ATM: variants seen among roughly 807,000 people sequenced by gnomAD.
The protein encoded by ATM is ATM serine/threonine kinase.
ATM carries 308 observed loss-of-function variants against 387.0 expected under a neutral mutation model. The ratio of observed to expected loss-of-function variants is 0.80; its 90% CI spans 0.73 to 0.87. The LOEUF is 0.87. Ranked by LOEUF, ATM falls within the 40% of genes least tolerant of loss-of-function variation. ATM has a pLI of 0.00. For missense variants in ATM, 3,312 were observed against 3,560.9 expected, an observed-to-expected ratio of 0.93 and a Z score of 1.78; for synonymous variants, 1,156 against 1,187.3, an observed-to-expected ratio of 0.97 and a Z score of 0.54.
chr11:108,296,893 A>C lies in ATM; in HGVS notation c.4910-394A>C, dbSNP rs2083153203. 1.5e-5 allele frequency: 4 copies of C among 266,322 alleles called. No homozygotes were observed. In the Admixed American group the frequency reaches 2.0e-4, roughly 14 times the overall value. The allele number at this position is 266,322 out of a possible 1,614,324, so 16.5% of individuals were successfully genotyped here. A position where few individuals can be genotyped will look rare whatever the true frequency, so the allele number is the denominator to read the frequency against. ...AGTGTAGATTATAGACATTTCCATCATTGCAGAAAGTTCTGTGGGACAGTG... is the reference window on the plus strand; with the variant it reads ...AGTGTAGATTATAGACATTTCCATCCTTGCAGAAAGTTCTGTGGGACAGTG... On this transcript the variant is annotated intron_variant, in intron 32 of 62. Coordinates refer to ENST00000675843, the MANE Select transcript of ATM (RefSeq NM_000051.4).
At chr11:108,287,813 C>G (rs2082573997) in intron 27 of ATM, 98 bp downstream of exon 27, 1 of 855,802 alleles carries the variant, frequency 1.2e-6, no homozygotes, top group African/African-American at 1.7e-5. Flanking sequence ...AATTTATAGA[C>G]ATCACTCTTT....
At chr11:108,356,558 A>G (rs1160066569) in intron 61 of ATM, among the ~76,000 whole-genome samples, 3 of 151,796 alleles carry the variant, frequency 2.0e-5, no homozygotes, top group Non-Finnish European at 4.4e-5. Context: ...AAAAAAAAAA[A>G]AAGCCCAAAC....
chr11:108,289,810 C>T lies in ATM; in HGVS notation c.4436+9C>T, dbSNP rs1565457090. The T allele has an allele frequency of 6.2e-7, 1 of 1,605,838 alleles. No homozygotes were observed. Among genetic ancestry groups the T allele is most frequent in the Non-Finnish European group, 8.5e-7 (1 of 1,174,334 alleles). On this transcript the variant is annotated intron_variant, in intron 29 of 62. Transcript: ENST00000675843. ...CACTATATCAACCAAAGGTAAATAA[C>T]ATATTTAGACCAATATATAAGCAGT... is the stretch of plus-strand genomic sequence containing the variant.
In ATM at chr11:108,312,453, T is replaced by C. The variant is rs1060504265; in HGVS notation, c.5961T>C (p.Ser1987=). The part of the protein sequence containing the change: ...FEEGSQSTTI[S]SLSEKSKEET... ...AAGGAAGCCAGAGTACAACTATTTC[T>C]AGCTTGAGTGAAAAAAGTAAAGAAG... The change falls in exon 40 of 63, where the codon TCT becomes TCC. Residue 1987 remains serine, a synonymous_variant. Coordinates refer to ENST00000675843, the MANE Select transcript of ATM (RefSeq NM_000051.4). The C allele has an allele frequency of 2.5e-6, 4 of 1,597,160 alleles. No individual in the cohort carries two copies. Among genetic ancestry groups the C allele is most frequent in the Non-Finnish European group, 3.4e-6 (4 of 1,164,872 alleles).
chr11:108,268,791 T>C (rs1417251821), intron 18 of ATM, among the ~76,000 whole-genome samples, 182 bp downstream of exon 18: 3 of 152,242 alleles, frequency 2.0e-5, no homozygotes, highest in Admixed American at 6.5e-5. Flanking sequence ...TTTAAGTGGA[T>C]GCTGAAATAT....
At chr11:108,328,982 T>C (rs1430033021) in intron 48 of ATM, 39 bp from the exon 49 acceptor site, 1 of 1,558,642 alleles carries the variant, frequency 6.4e-7, no homozygotes, top group Admixed American at 1.7e-5. Flanking sequence ...GTATTTAGTA[T>C]TTGTAAATAT....
Position 108,284,391 on chromosome 11 carries a change from G to C in ATM, c.3911G>C (p.Arg1304Thr), listed in dbSNP as rs2135708207. ...ILPYFAYEGTRDSGMAQQRET... is the reference protein window; with the variant it reads ...ILPYFAYEGTTDSGMAQQRET... Reference sequence around the variant, plus strand: ...CCTTATTTTGCCTATGAGGGTACCAGAGACAGTGGGATGGCACAGCAAAGA... The same window carrying C: ...CCTTATTTTGCCTATGAGGGTACCACAGACAGTGGGATGGCACAGCAAAGA... Residue 1304 changes from arginine to threonine, a missense_variant, in exon 26 of 63, where the codon AGA becomes ACA. Arg to Thr is a moderately conservative substitution (Grantham distance 71). Coordinates refer to ENST00000675843, the MANE Select transcript of ATM (RefSeq NM_000051.4). The C allele has an allele frequency of 1.2e-6, 2 of 1,613,912 alleles. No individual in the cohort carries two copies. Among genetic ancestry groups the C allele is most frequent in the South Asian group, 1.1e-5 (1 of 91,072 alleles).
intron 7 of ATM, among the ~76,000 whole-genome samples, chr11:108,245,886 G>T (rs573507273): frequency 6.9e-6 from 1 of 145,596 alleles, no homozygotes; most frequent in African/African-American, 2.6e-5. Context: ...GTGCAGTGAC[G>T]CAATGTTAGC....
At chr11:108,284,638 G>C (rs563102433) in intron 26 of ATM, among the ~76,000 whole-genome samples, 165 bp downstream of exon 26, 3 of 151,980 alleles carry the variant, frequency 2.0e-5, no homozygotes, top group African/African-American at 7.3e-5. Context: ...TGGTTATGTC[G>C]TGTTGTCTCC....
chr11:108,277,641 C>T (rs2082016687), intron 22 of ATM, among the ~76,000 whole-genome samples: 1 of 152,118 alleles, frequency 6.6e-6, no homozygotes, highest in Non-Finnish European at 1.5e-5. Context: ...GAGGGAGTTC[C>T]CCGACCCCTT....
chr11:108,251,548 C>T (rs1337172661), intron 10 of ATM, among the ~76,000 whole-genome samples: 3 of 152,106 alleles, frequency 2.0e-5, no homozygotes, highest in Admixed American at 6.6e-5. Context: ...TAATTGTATA[C>T]GTGTATCCAA....
intron 57 of ATM, among the ~76,000 whole-genome samples, chr11:108,344,195 C>T (rs1363660191): frequency 1.3e-5 from 2 of 152,178 alleles, no homozygotes; most frequent in East Asian, 3.9e-4. Context: ...CTGTACAGGG[C>T]ACACAGGGTA....
At chr11:108,313,469 T>TC (rs1466769627) in intron 40 of ATM, among the ~76,000 whole-genome samples, 1 of 152,218 alleles carries the variant, frequency 6.6e-6, no homozygotes, top group Non-Finnish European at 1.5e-5. Flanking sequence ...CTCATAAACT[T>TC]CATGTTGCTA....
In ATM at chr11:108,316,018, A is replaced by G. The variant is rs876659555; in HGVS notation, c.6103A>G (p.Thr2035Ala). The G allele has an allele frequency of 6.2e-7, 1 of 1,614,034 alleles. No homozygotes were observed. The highest frequency in any genetic ancestry group is 1.3e-5 in the African/African-American group (1 of 74,946). ...KMLQPITRLR[T>A]YEHEAMWGKA... ...CACAATCTTTTCTTATAGACTACGA[A>G]CATATGAACACGAAGCAATGTGGGG... The change falls in exon 42 of 63, where the codon ACA becomes GCA. Residue 2035 changes from threonine (T) to alanine (A), a missense_variant. Around this residue, in one of 4 missense-constraint regions of ATM, gnomAD observed 1,405 missense variants for 1,604.4 expected, o/e 0.88. Coordinates refer to ENST00000675843, the MANE Select transcript of ATM (RefSeq NM_000051.4).
chr11:108,310,026 T>C, intron 38 of ATM, 134 bp from the exon 39 acceptor site: 1 of 823,650 alleles, frequency 1.2e-6, no homozygotes, highest in Non-Finnish European at 1.9e-6. Flanking sequence ...AGGTATATAT[T>C]GGGGAAATGT....
At chr11:108,230,847 A>G (rs1451189817) in intron 4 of ATM, 1 of 152,208 alleles carries the variant, frequency 6.6e-6, no homozygotes, top group East Asian at 1.9e-4. Context: ...GACTATAGGC[A>G]TGGGCCACCA....
intron 38 of ATM, 59 bp downstream of exon 38, chr11:108,308,043 C>G (rs888732349): frequency 2.0e-5 from 30 of 1,468,486 alleles, no homozygotes; most frequent in Non-Finnish European, 2.8e-5. Context: ...TGTTAACTAT[C>G]GGCTGAATTT....
intron 49 of ATM, among the ~76,000 whole-genome samples, chr11:108,329,687 A>G (rs148736656): frequency 0.021 from 3,274 of 152,336 alleles, 88 homozygotes; most frequent in African/African-American, 0.067. Context: ...CTGGGATTAC[A>G]GGTGTGAGGC....
intron 61 of ATM, among the ~76,000 whole-genome samples, chr11:108,362,217 A>G (rs532633075): frequency 0.012 from 1,768 of 147,928 alleles, 41 homozygotes; most frequent in African/African-American, 0.041. Context: ...ATCACTGGCC[A>G]TCAGAGAAAT....
Sources: gnomAD v4.1 joint callset for allele counts (sites outside exome capture counted in the v4.1 genomes callset) on GRCh38, gnomAD v4.1.1 for gene constraint, gnomAD v4.1.1 regional missense constraint, MANE v1.5 for transcripts, NCBI Gene and HGNC (gene_info 2026-07-23, HGNC 2026-07-21) for gene names.